Variants in VAV2 observed in about 807,000 individuals in gnomAD.
VAV2 encodes the protein guanine nucleotide exchange factor VAV2.
A neutral mutation model predicts 132.5 loss-of-function variants in VAV2; 67 were observed. That is an observed-to-expected ratio of 0.51 (90% CI 0.42 to 0.62). VAV2 has a LOEUF of 0.62. Ranked by LOEUF, VAV2 falls within the 20% of genes least tolerant of loss-of-function variation. The probability of loss-of-function intolerance (pLI) is 0.00; values close to 1 mark genes in which losing one functional copy is unlikely to be tolerated. For synonymous variants in VAV2, 492 were observed against 443.5 expected (o/e 1.11, Z -1.37); for missense variants, 938 against 1,153.6 (o/e 0.81, Z 2.71).
intron 2 of VAV2, among the ~76,000 whole-genome samples, chr9:133,932,372 C>T (rs1840718581): frequency 1.3e-5 from 2 of 152,226 alleles, no homozygotes; most frequent in South Asian, 4.1e-4. Flanking sequence ...CCAGCACGCC[C>T]ACCCCGGGCA....
rs920619281 is a variant in VAV2, at chr9:133,834,916, G to A, written c.381-576C>T. Among the ~76,000 whole-genome samples the A allele has an allele frequency of 6.6e-5, 10 of 152,184 alleles. No homozygotes were observed. Among genetic ancestry groups the A allele is most frequent in the Non-Finnish European group, 1.5e-4 (10 of 68,044 alleles). ...TGAAAAGCCCTCGGACCTTCCGCCT[G>A]GATCCACAGCCTCCCCTCCTACAAA... On this transcript the variant is annotated intron_variant, in intron 3 of 29. Coordinates refer to ENST00000371850, the MANE Select transcript of VAV2 (RefSeq NM_001134398.2). This position sits in a 1 kb window ranked among gnomAD's most constrained non-coding sequence, Gnocchi z 5.9.
intron 1 of VAV2, among the ~76,000 whole-genome samples, chr9:133,987,560 G>A (rs1200667932): frequency 6.6e-6 from 1 of 152,252 alleles, no homozygotes; most frequent in Non-Finnish European, 1.5e-5. Context: ...GGGAGTTGAG[G>A]TGGAGGTGGG....
chr9:133,959,036 G>A (rs1222439216), intron 1 of VAV2, among the ~76,000 whole-genome samples: 3 of 108,468 alleles, frequency 2.8e-5, no homozygotes, highest in African/African-American at 3.4e-5. Flanking sequence ...CCACTGCACC[G>A]GCCACAGCCC....
intron 1 of VAV2, among the ~76,000 whole-genome samples, chr9:133,959,039 C>G (rs527471200): frequency 1.7e-3 from 165 of 99,732 alleles, no homozygotes; most frequent in African/African-American, 5.6e-3. Context: ...CTGCACCGGC[C>G]ACAGCCCCAG....
At position 133,768,444 on chromosome 9, in the gene VAV2, G is replaced by C. The variant is rs765663291; in HGVS notation, c.2587C>G (p.Arg863Gly). The change falls in exon 29 of 30, where the codon CGG (arginine) becomes GGG (glycine). Residue 863 changes from arginine (R) to glycine (G), a missense_variant and splice_region_variant. Physicochemically the swap from Arg to Gly is moderately radical, Grantham distance 125 (BLOSUM62 -2). Coordinates refer to ENST00000371850, the MANE Select transcript of VAV2 (RefSeq NM_001134398.2). This position sits in a 1 kb window ranked among gnomAD's most constrained non-coding sequence, Gnocchi z 5.3. ...ACCCTCAGGGTGGGGCCACTCACCC[G>C]TCCGTTGGTCTCGCCCTTCCACCAG... ...QGWWKGETNG[R>G]IGWFPSTYVE... 6 of 1,612,752 alleles carry C rather than the reference G, an allele frequency of 3.7e-6. No individual in the cohort carries two copies. The South Asian group carries it at 6.6e-5, about 18-fold the overall frequency.
chr9:133,869,535 A>C (rs1172407919), intron 2 of VAV2, among the ~76,000 whole-genome samples: 2 of 152,168 alleles, frequency 1.3e-5, no homozygotes, highest in South Asian at 2.1e-4. Flanking sequence ...ACTTAAGCCC[A>C]GGAGGTCGAA....
Position 133,884,363 on chromosome 9 carries a change from G to A in VAV2, c.322-22931C>T, listed in dbSNP as rs966784154. On this transcript the variant is annotated intron_variant, in intron 2 of 29. Transcript: ENST00000371850. This position sits in a 1 kb window ranked among gnomAD's most constrained non-coding sequence, Gnocchi z 5.3. ...TCCTCCAAAGTACAACTCAAAGGAC[G>A]CTCATCAAAGCAGTGCTTCCTTAGG... 2.0e-5 allele frequency among the ~76,000 whole-genome samples: 3 copies of A among 152,200 alleles called. No individual in the cohort carries two copies. The highest frequency in any genetic ancestry group is 4.8e-5 in the African/African-American group (2 of 41,448).
Position 133,806,285 on chromosome 9 carries a change from G to A in VAV2, c.736-104C>T, listed in dbSNP as rs542689131. 3 of 1,138,914 alleles carry A rather than the reference G, an allele frequency of 2.6e-6. No individual in the cohort carries two copies. The Admixed American group carries it at 6.5e-5, about 25-fold the overall frequency. 70.6% of individuals were successfully genotyped at this position (1,138,914 alleles called of 1,614,324 possible). On this transcript the variant is annotated intron_variant, in intron 8 of 29. Coordinates refer to ENST00000371850, the MANE Select transcript of VAV2 (RefSeq NM_001134398.2). ...GTTGTTCTGTAGTTCCCTCAAGGAG[G>A]GGAGGGGCCCGGGTGCTGGGCCTGC...
chr9:133,992,075 C>T lies in VAV2; in HGVS notation c.204G>A (p.Gln68=). The change falls in exon 1 of 30, where the codon CAG becomes CAA. Residue 68 remains glutamine (Q), a splice_region_variant and synonymous_variant. Coordinates refer to ENST00000371850, the MANE Select transcript of VAV2 (RefSeq NM_001134398.2). This position sits in a 1 kb window ranked among gnomAD's most constrained non-coding sequence, Gnocchi z 5.5. ...KDINFRPQMS[Q]FLCLKNIRTF... ...GCCCTCCCGCCCGCCGGGCGCTCAC[C>T]TGGGACATCTGCGGCCGGAAGTTGA... 1 of 1,569,402 alleles carries T rather than the reference C, an allele frequency of 6.4e-7. No homozygotes were observed. Among genetic ancestry groups the T allele is most frequent in the Non-Finnish European group, 8.6e-7 (1 of 1,159,320 alleles).
intron 2 of VAV2, among the ~76,000 whole-genome samples, chr9:133,897,168 G>A (rs370546040): frequency 7.2e-5 from 11 of 152,302 alleles, no homozygotes; most frequent in Middle Eastern, 3.4e-3. Flanking sequence ...GGAGCCTATC[G>A]GCACATGCTG....
intron 4 of VAV2, among the ~76,000 whole-genome samples, chr9:133,822,623 A>G (rs1588225476): frequency 6.6e-6 from 1 of 152,142 alleles, no homozygotes; most frequent in East Asian, 1.9e-4. Flanking sequence ...CAGAGAGGGC[A>G]TGAGAGTCAC....
At chr9:133,957,062 G>A (rs1043578227) in intron 1 of VAV2, among the ~76,000 whole-genome samples, 3 of 152,090 alleles carry the variant, frequency 2.0e-5, no homozygotes, top group African/African-American at 7.2e-5. Context: ...TCTCTCCAAC[G>A]CCACCAGTGT....
At position 133,894,241 on chromosome 9, in the gene VAV2, T is replaced by C. The variant is rs569459151; in HGVS notation, c.322-32809A>G. On this transcript the variant is annotated intron_variant, in intron 2 of 29. Coordinates refer to ENST00000371850, the MANE Select transcript of VAV2 (RefSeq NM_001134398.2). ...ACAGGGTTCCACCCTTTCCCAAGGATGGGGGAGCCGGGGCCCGGCCTGGCC... is the reference window on the plus strand; with the variant it reads ...ACAGGGTTCCACCCTTTCCCAAGGACGGGGGAGCCGGGGCCCGGCCTGGCC... 7.9e-5 allele frequency among the ~76,000 whole-genome samples: 12 copies of C among 152,298 alleles called. No individual in the cohort carries two copies. The East Asian group carries it at 2.1e-3, about 27-fold the overall frequency.
chr9:133,780,577 C>A, intron 20 of VAV2, 117 bp downstream of exon 20: 1 of 1,226,194 alleles, frequency 8.2e-7, no homozygotes, highest in Non-Finnish European at 1.0e-6. Context: ...GTGGCTCATC[C>A]AAGCCGGTGT....
chr9:133,785,683 T>A, intron 17 of VAV2, 93 bp downstream of exon 17: 1 of 1,267,890 alleles, frequency 7.9e-7, no homozygotes, highest in Non-Finnish European at 1.1e-6. Context: ...CCGCCCCTGG[T>A]CTGAGAGGAA....
intron 1 of VAV2, among the ~76,000 whole-genome samples, chr9:133,952,500 G>C (rs1841593765): frequency 6.6e-6 from 1 of 152,062 alleles, no homozygotes; most frequent in African/African-American, 2.4e-5. Context: ...CTACTCGGGA[G>C]GCTGAGGCAG....
At chr9:133,968,871 G>A (rs973037962) in intron 1 of VAV2, among the ~76,000 whole-genome samples, 2 of 152,152 alleles carry the variant, frequency 1.3e-5, no homozygotes, top group African/African-American at 4.8e-5. Context: ...GCCACCCTCG[G>A]TTGCAGCAAA....
At chr9:133,930,357 CTT>C (rs35311721) in intron 2 of VAV2, among the ~76,000 whole-genome samples, 129,799 of 149,716 alleles carry the variant, frequency 0.87, 57,152 homozygotes, top group East Asian at 0.97. Context: ...CTCCTGGCCT[CTT>C]CACTACCCTC....
intron 2 of VAV2, among the ~76,000 whole-genome samples, chr9:133,897,961 G>A (rs986062408): frequency 6.6e-6 from 1 of 152,122 alleles, no homozygotes; most frequent in Non-Finnish European, 1.5e-5. Context: ...TGTGAAGGCA[G>A]AGACAGGCAG....
Sources: gnomAD v4.1 joint callset for allele counts (sites outside exome capture counted in the v4.1 genomes callset) on GRCh38, gnomAD v4.1.1 for gene constraint, Gnocchi (gnomAD v3.1) non-coding constraint, MANE v1.5 for transcripts, NCBI Gene and HGNC (gene_info 2026-07-23, HGNC 2026-07-21) for gene names.